The following ADGRG1 variants were observed in gnomAD, a reference collection of about 807,000 sequenced individuals.
ADGRG1 encodes adhesion G protein-coupled receptor G1, also known as 7-transmembrane protein with no EGF-like N-terminal domains-1.
ADGRG1 carries 53 observed loss-of-function variants against 73.5 expected under a neutral mutation model. The observed-to-expected ratio is 0.72, with a 90% CI of 0.58 to 0.91. The LOEUF is 0.91. Among genes scored for constraint, ADGRG1 ranks in the 40% least tolerant of loss-of-function variants. ADGRG1 has a pLI of 0.00. For missense variants in ADGRG1, 795 were observed against 871.8 expected (o/e 0.91, Z 1.11); for synonymous variants, 394 against 374.4 (o/e 1.05, Z -0.60).
rs747336249 is a variant in ADGRG1, at chr16:57,661,954, C to T, written c.1922C>T (p.Thr641Ile). 6 of 1,613,730 alleles carry T rather than the reference C, an allele frequency of 3.7e-6. No individual in the cohort carries two copies. The highest frequency in any genetic ancestry group is 4.2e-6 in the Non-Finnish European group (5 of 1,179,546). ...LVVLYLFSII[T>I]SFQGFLIFIW... ...GTCCTCTACCTTTTCAGCATCATCA[C>T]CTCCTTCCAAGGTAAGGAGAAGACC... The change falls in exon 13 of 14, where the codon ACC becomes ATC. Residue 641 changes from threonine to isoleucine, a missense_variant. Coordinates refer to ENST00000562631, the MANE Select transcript of ADGRG1 (RefSeq NM_201525.4).
intron 2 of ADGRG1, chr16:57,621,705 C>T (rs1286693432): frequency 4.8e-6 from 1 of 208,138 alleles, no homozygotes; most frequent in Non-Finnish European, 8.4e-6. Context: ...GACGATGCCT[C>T]ACTGCCTGAC....
In ADGRG1 at chr16:57,651,276, C is replaced by A. The variant is rs2044020093; in HGVS notation, c.141C>A (p.His47Gln). ...ACCAGACACACAGGAGCAGCCTCCA[C>A]TACAAACCCACACCAGACCTGCGCA... The part of the protein sequence containing the change: ...QRNQTHRSSL[H>Q]YKPTPDLRIS... Residue 47 changes from histidine (H) to glutamine (Q), a missense_variant, in exon 3 of 14, where the codon CAC becomes CAA. Transcript: ENST00000562631. 1.2e-6 allele frequency: 2 copies of A among 1,614,238 alleles called. No homozygotes were observed. Among genetic ancestry groups the A allele is most frequent in the South Asian group, 2.2e-5 (2 of 91,086 alleles).
At chr16:57,643,857 A>C in intron 1 of ADGRG1, 2 of 977,102 alleles carry the variant, frequency 2.0e-6, no homozygotes, top group Non-Finnish European at 2.4e-6. Context: ...CTGCCTTTGC[A>C]AGCTGTTATC....
chr16:57,629,716 G>C (rs1436384783), intron 1 of ADGRG1, among the ~76,000 whole-genome samples: 1 of 152,176 alleles, frequency 6.6e-6, no homozygotes, highest in Non-Finnish European at 1.5e-5. Context: ...CGCAGGCTGC[G>C]GGCTGAACAC....
At chr16:57,645,102 A>T in intron 1 of ADGRG1, 1 of 985,312 alleles carries the variant, frequency 1.0e-6, no homozygotes, top group African/African-American at 1.7e-5. Flanking sequence ...GCAGGAGTTC[A>T]TCCTCACCCT....
At chr16:57,630,434 G>A in intron 1 of ADGRG1, 1 of 985,878 alleles carries the variant, frequency 1.0e-6, no homozygotes, top group Non-Finnish European at 1.2e-6. Flanking sequence ...TGGCCCCCTT[G>A]CCCTTCCTCT....
chr16:57,648,500 G>A lies in ADGRG1; in HGVS notation c.-35-1753G>A, dbSNP rs1474652010. 9 of 965,856 alleles carry A rather than the reference G, an allele frequency of 9.3e-6. No homozygotes were observed. The African/African-American group carries it at 1.1e-4, about 11-fold the overall frequency. 59.8% of individuals were successfully genotyped at this position (965,856 alleles called of 1,614,324 possible). On this transcript the variant is annotated intron_variant, in intron 1 of 13. Transcript: ENST00000562631. ...GGGGTTCCATTCCACATGGTGGGAC[G>A]CAGGGAACTGGCTCTCAGTCGAAGG...
At chr16:57,652,904 C>A in intron 3 of ADGRG1, 3 of 1,256,132 alleles carry the variant, frequency 2.4e-6, no homozygotes, top group Non-Finnish European at 2.0e-6. Context: ...CTGGCTGGGC[C>A]CTCTCTGCTC....
chr16:57,647,727 A>G (rs767929385), intron 1 of ADGRG1: 1 of 939,022 alleles, frequency 1.1e-6, no homozygotes, highest in African/African-American at 1.8e-5. Context: ...TAATGGAGCC[A>G]GGGCTGTCCA....
At chr16:57,639,705 G>A (rs993854949) in intron 1 of ADGRG1, 25 of 967,328 alleles carry the variant, frequency 2.6e-5, no homozygotes, top group Middle Eastern at 5.3e-4. Context: ...CCTCCTCCCC[G>A]TCCCTTTCAC....
intron 1 of ADGRG1, chr16:57,646,375 G>A: frequency 4.1e-6 from 4 of 985,432 alleles, no homozygotes; most frequent in Non-Finnish European, 4.8e-6. Flanking sequence ...GTGGGGTGGG[G>A]GTCTCAGCTC....
At chr16:57,630,860 T>C (rs977028064) in intron 1 of ADGRG1, 3 of 722,794 alleles carry the variant, frequency 4.2e-6, no homozygotes, top group Non-Finnish European at 5.1e-6. Flanking sequence ...TAGGAAAACA[T>C]TTGGGGAACG....
intron 1 of ADGRG1, chr16:57,639,376 A>G: frequency 2.0e-6 from 2 of 985,310 alleles, no homozygotes; most frequent in Non-Finnish European, 2.4e-6. Context: ...GCAGCTGCCA[A>G]CGGTTGCCAG....
chr16:57,656,671 T>A, intron 9 of ADGRG1, 54 bp downstream of exon 9: 2 of 1,050,748 alleles, frequency 1.9e-6, no homozygotes, highest in Non-Finnish European at 3.0e-6. Context: ...GTGCTTGTTC[T>A]GTGCAAGCAC....
rs2040247169 is a variant in ADGRG1 at position 57,639,605 on chromosome 16, A to AC, written c.-35-10644dup. 4.1e-6 allele frequency: 4 copies of AC among 984,848 alleles called. No homozygotes were observed. The South Asian group carries it at 1.4e-4, about 35-fold the overall frequency. 61.0% of individuals were successfully genotyped at this position (984,848 alleles called of 1,614,324 possible). A position where few individuals can be genotyped will look rare whatever the true frequency, so the allele number is the denominator to read the frequency against. On this transcript the variant is annotated intron_variant, in intron 1 of 13. Transcript: ENST00000562631. ...CGCAGGCTACTGCCTGCAAACAAGA[A>AC]CCCCTCATCTGCCACGCACGTTCTT...
intron 1 of ADGRG1, chr16:57,630,959 A>C: frequency 1.0e-6 from 1 of 985,578 alleles, no homozygotes; most frequent in Non-Finnish European, 1.2e-6. Flanking sequence ...AGCAGGTCTC[A>C]ATCTGCTCTG....
Position 57,655,472 on chromosome 16 carries a change from GC to G in ADGRG1, c.843del (p.Ser281ArgfsTer42). On this transcript the variant is annotated frameshift_variant, in exon 6 of 14. Coordinates refer to ENST00000562631, the MANE Select transcript of ADGRG1 (RefSeq NM_201525.4). LOFTEE classifies it high-confidence loss of function. ...RTLFQRTKGR[S>X]GEAEKRLLLV... ...CTCTTCCAGAGGACGAAAGGCCGGA[GC>G]GGGGAGGCTGAGAAGAGACTCCTCC... The G allele has an allele frequency of 6.2e-7, 1 of 1,613,738 alleles. No individual in the cohort carries two copies.
rs749503995 is a variant in ADGRG1, at chr16:57,661,901, C to G, written c.1869C>G (p.Ser623=). The stretch of plus-strand genomic sequence containing the variant: ...TGCCCTGGGCCTTGATCTTCTTCTC[C>G]TTTGCTTCTGGCACCTTCCAGCTTG... The part of the protein sequence containing the change: ...LGLPWALIFF[S]FASGTFQLVV... Residue 623 remains serine, a synonymous_variant, in exon 13 of 14, where the codon TCC becomes TCG. Coordinates refer to ENST00000562631, the MANE Select transcript of ADGRG1 (RefSeq NM_201525.4). 1 of 1,614,274 alleles carries G rather than the reference C, an allele frequency of 6.2e-7. No individual in the cohort carries two copies. The highest frequency in any genetic ancestry group is 2.2e-5 in the East Asian group (1 of 44,888).
intron 11 of ADGRG1, 71 bp downstream of exon 11, chr16:57,659,752 G>T: frequency 6.5e-7 from 1 of 1,528,890 alleles, no homozygotes; most frequent in South Asian, 1.1e-5. Context: ...CAGGCACCTG[G>T]TTCTGCCTCT....
Sources: gnomAD v4.1 joint callset for allele counts (sites outside exome capture counted in the v4.1 genomes callset) on GRCh38, gnomAD v4.1.1 for gene constraint, MANE v1.5 for transcripts, NCBI Gene and HGNC (gene_info 2026-07-23, HGNC 2026-07-21) for gene names.